The following CSMD1 variants were observed in gnomAD, a reference collection of about 807,000 sequenced individuals.
The protein encoded by CSMD1 is CUB and Sushi multiple domains 1.
CSMD1 carries 213 observed loss-of-function variants against 417.5 expected under a neutral mutation model. The ratio of observed to expected loss-of-function variants is 0.51; its 90% CI spans 0.46 to 0.57. The LOEUF (loss-of-function observed/expected upper bound fraction) is 0.57. Ranked by LOEUF, CSMD1 falls within the 20% of genes least tolerant of loss-of-function variation. CSMD1 has a pLI of 0.00. For synonymous variants in CSMD1, 2,862 were observed against 1,736.8 expected (o/e 1.65, Z -16.11); for missense variants, 6,923 against 4,529.7 (o/e 1.53, Z -15.17).
At chr8:3,299,365 T>C (rs62504383) in intron 25 of CSMD1, among the ~76,000 whole-genome samples, 22,465 of 152,034 alleles carry the variant, frequency 0.15, 1,717 homozygotes, top group Admixed American at 0.2. Context: ...GGCAGGAGCA[T>C]TGCTTGAACT....
intron 7 of CSMD1, among the ~76,000 whole-genome samples, chr8:3,645,628 C>G (rs1797536978): frequency 6.6e-6 from 1 of 152,150 alleles, no homozygotes; most frequent in Non-Finnish European, 1.5e-5. Flanking sequence ...AAGAGTCGGC[C>G]TTCTGCATTT....
At chr8:4,469,681 CTT>C (rs980277398) in intron 2 of CSMD1, among the ~76,000 whole-genome samples, 6 of 152,090 alleles carry the variant, frequency 3.9e-5, no homozygotes, top group Non-Finnish European at 8.8e-5. Context: ...CCAGGGAACT[CTT>C]GTCATCACAG....
At chr8:3,953,839 A>G (rs1292036263) in intron 5 of CSMD1, among the ~76,000 whole-genome samples, 1 of 152,052 alleles carries the variant, frequency 6.6e-6, no homozygotes, top group Non-Finnish European at 1.5e-5. Flanking sequence ...TGCAGTTCCT[A>G]GAGAGCCTAA....
rs61743149 is a variant in CSMD1 at position 2,974,461 on chromosome 8, G to A, written c.8730C>T (p.Pro2910=). ...QEDSHWSGAL[P]HCTGNNPGFC... The stretch of plus-strand genomic sequence containing the variant: ...TCGTAAGCCCCTCACCTGTGCAGTG[G>A]GGCAGTGCCCCGCTCCAGTGACTGT... The change falls in exon 56 of 70, where the codon CCC becomes CCT. Residue 2910 remains proline (P), a synonymous_variant. Coordinates refer to ENST00000635120, the MANE Select transcript of CSMD1 (RefSeq NM_033225.6). 2 of 1,605,786 alleles carry A rather than the reference G, an allele frequency of 1.2e-6. No individual in the cohort carries two copies. The highest frequency in any genetic ancestry group is 1.7e-6 in the Non-Finnish European group (2 of 1,174,410).
At chr8:4,754,188 T>G (rs2117062879) in intron 1 of CSMD1, among the ~76,000 whole-genome samples, 1 of 152,272 alleles carries the variant, frequency 6.6e-6, no homozygotes, top group East Asian at 1.9e-4. Context: ...ACCTGTGCAC[T>G]CCACCATTCA....
chr8:3,479,163 A>C (rs1324361227), intron 11 of CSMD1, among the ~76,000 whole-genome samples: 2 of 152,088 alleles, frequency 1.3e-5, no homozygotes, highest in Non-Finnish European at 2.9e-5. Context: ...TATCATTGGA[A>C]CCTCCTCCCC....
chr8:4,899,927 C>A (rs1430052789), intron 1 of CSMD1, among the ~76,000 whole-genome samples: 1 of 152,176 alleles, frequency 6.6e-6, no homozygotes, highest in Non-Finnish European at 1.5e-5. Flanking sequence ...TCACCAGAGT[C>A]TTGTTCACAG....
At chr8:4,662,574 A>C (rs1301228633) in intron 1 of CSMD1, among the ~76,000 whole-genome samples, 1 of 152,200 alleles carries the variant, frequency 6.6e-6, no homozygotes, top group Non-Finnish European at 1.5e-5. Context: ...TAAAGATGTC[A>C]TTCATGTGCC....
rs184563841 is a variant in CSMD1, at chr8:4,603,403, C to T, written c.302+33939G>A. Among the ~76,000 whole-genome samples the T allele has an allele frequency of 2.4e-4, 36 of 152,148 alleles. No individual in the cohort carries two copies. In the East Asian group the frequency reaches 6.2e-3, roughly 26 times the overall value. On this transcript the variant is annotated intron_variant, in intron 2 of 69. Coordinates refer to ENST00000635120, the MANE Select transcript of CSMD1 (RefSeq NM_033225.6). Reference sequence around the variant, plus strand: ...AAACCCACTTAAAAATGTGGTGAACCTCCATTATTTGGAATTTTAAAACTC... The same window carrying T: ...AAACCCACTTAAAAATGTGGTGAACTTCCATTATTTGGAATTTTAAAACTC...
In CSMD1 at chr8:4,775,362, A is replaced by C. The variant is rs376672162; in HGVS notation, c.86-137804T>G. On this transcript the variant is annotated intron_variant, in intron 1 of 69. Coordinates refer to ENST00000635120, the MANE Select transcript of CSMD1 (RefSeq NM_033225.6). Reference sequence around the variant, plus strand: ...GAAGGAACACTACGAATTTTTATAGAAAAGTGTTATTCAAAGATAGTGTTT... The same window carrying C: ...GAAGGAACACTACGAATTTTTATAGCAAAGTGTTATTCAAAGATAGTGTTT... 3.9e-5 allele frequency among the ~76,000 whole-genome samples: 6 copies of C among 152,204 alleles called. No homozygotes were observed. In the East Asian group the frequency reaches 7.7e-4, roughly 20 times the overall value.
intron 25 of CSMD1, among the ~76,000 whole-genome samples, chr8:3,294,846 G>A (rs142465962): frequency 0.011 from 1,703 of 152,078 alleles, 21 homozygotes; most frequent in Non-Finnish European, 0.017. Flanking sequence ...CCCACTTTCC[G>A]ACACTCCCCA....
chr8:4,453,751 C>T (rs979060204), intron 2 of CSMD1, among the ~76,000 whole-genome samples: 2 of 151,424 alleles, frequency 1.3e-5, no homozygotes, highest in South Asian at 2.1e-4. Context: ...AATTCCGGGT[C>T]CCCATTTGAG....
intron 1 of CSMD1, among the ~76,000 whole-genome samples, chr8:4,722,414 G>A (rs1025843900): frequency 3.9e-5 from 6 of 152,090 alleles, no homozygotes; most frequent in African/African-American, 1.4e-4. Context: ...TCTCTTGACC[G>A]AGTGAAAAGT....
At chr8:4,159,869 C>G (rs907524127) in intron 3 of CSMD1, among the ~76,000 whole-genome samples, 1 of 151,890 alleles carries the variant, frequency 6.6e-6, no homozygotes, top group African/African-American at 2.4e-5. Flanking sequence ...TGTTCTCACC[C>G]ATAAGTGCGA....
chr8:4,926,332 G>T (rs1328511316), intron 1 of CSMD1, among the ~76,000 whole-genome samples: 3 of 152,222 alleles, frequency 2.0e-5, no homozygotes, highest in Non-Finnish European at 4.4e-5. Context: ...ATAATTTTGT[G>T]TAATAACCTT....
At chr8:3,388,193 A>T (rs1257337223) in intron 17 of CSMD1, among the ~76,000 whole-genome samples, 2 of 152,202 alleles carry the variant, frequency 1.3e-5, no homozygotes, top group African/African-American at 4.8e-5. Context: ...TATTTTTCTA[A>T]GTTTGCATTC....
In CSMD1 at chr8:4,039,056, C is replaced by A. The variant is rs75430679; in HGVS notation, c.416-6957G>T. 9.9e-5 allele frequency among the ~76,000 whole-genome samples: 15 copies of A among 151,744 alleles called. No homozygotes were observed. In the South Asian group the frequency reaches 1.5e-3, roughly 15 times the overall value. On this transcript the variant is annotated intron_variant, in intron 3 of 69. Transcript: ENST00000635120. ...AAAGAAAAGTGAAAGCATGATACTA[C>A]AATACAATATTAATATTCATTACTA...
At chr8:3,218,275 T>C (rs1216175101) in intron 29 of CSMD1, among the ~76,000 whole-genome samples, 1 of 151,982 alleles carries the variant, frequency 6.6e-6, no homozygotes, top group Non-Finnish European at 1.5e-5. Flanking sequence ...TAAAATGAAG[T>C]TATTGGCCGG....
At chr8:4,592,622 A>G (rs2617090) in intron 2 of CSMD1, among the ~76,000 whole-genome samples, 86,527 of 151,912 alleles carry the variant, frequency 0.57, 26,569 homozygotes, top group African/African-American at 0.82. Flanking sequence ...CCTGATCCCA[A>G]GTGATCCGCC....
Sources: gnomAD v4.1 joint callset for allele counts (sites outside exome capture counted in the v4.1 genomes callset) on GRCh38, gnomAD v4.1.1 for gene constraint, MANE v1.5 for transcripts, NCBI Gene and HGNC (gene_info 2026-07-23, HGNC 2026-07-21) for gene names.